MRPL52: variants seen among roughly 807,000 people sequenced by gnomAD.
MRPL52 encodes the protein mitochondrial ribosomal protein L52.
In MRPL52, 19 loss-of-function variants were observed where a neutral mutation model predicts 22.1. That is an observed-to-expected ratio of 0.86 (90% CI 0.60 to 1.26). The LOEUF is 1.26. MRPL52 is among the 50% of genes most tolerant of loss of function. MRPL52 has a pLI of 0.00. For missense variants in MRPL52, 152 were observed against 148.1 expected, an observed-to-expected ratio of 1.03 and a Z score of -0.14; for synonymous variants, 50 against 57.5, an observed-to-expected ratio of 0.87 and a Z score of 0.59.
chr14:22,831,121 T>C, intron 3 of MRPL52: 1 of 616,768 alleles, frequency 1.6e-6, no homozygotes, highest in African/African-American at 2.4e-5. Context: ...TTTTTTTTTT[T>C]TTTTTTTTTG....
intron 3 of MRPL52, chr14:22,831,188 C>G: frequency 1.8e-6 from 1 of 555,858 alleles, no homozygotes; most frequent in Non-Finnish European, 3.1e-6. Context: ...TCATCGCTCA[C>G]TGCAGCCTTG....
chr14:22,830,101 G>A lies in MRPL52; in HGVS notation c.77G>A (p.Trp26Ter), dbSNP rs1232350232. 1.2e-6 allele frequency: 2 copies of A among 1,614,096 alleles called. No homozygotes were observed. Among genetic ancestry groups the A allele is most frequent in the African/African-American group, 2.7e-5 (2 of 74,954 alleles). The change falls in exon 2 of 5, where the codon TGG (tryptophan) becomes TAG (stop). Residue 26 changes from tryptophan (W) to a stop codon, truncating the protein, a stop_gained. Transcript: ENST00000397496. LOFTEE classifies it high-confidence loss of function. ...GTAGCCGCTTGGGCGGGCGGCCAGT[G>A]GCGACTACAGTGAGTCCTGGGATGA... ...CSVAAWAGGQ[W>*]RLQQGLAANP...
chr14:22,830,152 G>C, intron 2 of MRPL52, 35 bp from the exon 3 acceptor site: 1 of 1,614,182 alleles, frequency 6.2e-7, no homozygotes, highest in South Asian at 1.1e-5. Flanking sequence ...CAGAAGCTGG[G>C]CTAGGTCCTC....
At chr14:22,829,976 G>A (rs763566892) in intron 1 of MRPL52, 36 bp downstream of exon 1, 4 of 1,612,288 alleles carry the variant, frequency 2.5e-6, no homozygotes, top group African/African-American at 2.7e-5. Context: ...GGACTCGGGG[G>A]CCCTTTGGGG....
In MRPL52 at chr14:22,834,296, T is replaced by G. The variant is rs1353108298; in HGVS notation, c.344T>G (p.Leu115Arg). 15 of 1,613,628 alleles carry G rather than the reference T, an allele frequency of 9.3e-6. No individual in the cohort carries two copies. Among genetic ancestry groups the G allele is most frequent in the Non-Finnish European group, 1.3e-5 (15 of 1,179,850 alleles). The change falls in exon 5 of 5, where the codon CTG becomes CGG. Residue 115 changes from leucine (L) to arginine (R), a missense_variant. By Grantham distance (102) the Leu-to-Arg change is moderately radical. Coordinates refer to ENST00000397496, the MANE Select transcript of MRPL52 (RefSeq NM_180982.3). ...GCTCTTAAACCCAAAGGGGCTTCAC[T>G]GAAGAGCCCACTTCCAAGTCAATAA... ...ENALKPKGAS[L>R]KSPLPSQ is the part of the protein sequence containing the mutation.
chr14:22,830,135 G>A, intron 2 of MRPL52, 25 bp downstream of exon 2: 1 of 1,614,146 alleles, frequency 6.2e-7, no homozygotes, highest in Non-Finnish European at 8.5e-7. Flanking sequence ...GAGGGCACCT[G>A]GGGGACCAGA....
In MRPL52 at chr14:22,830,334, A is replaced by G. The variant is rs2039578729; in HGVS notation, c.154+80A>G. ...CGCCCCTGGACGGGGAGCTGGGGGT[A>G]TCAAGGTGGGGGCGTGTAAAAGTGT... On this transcript the variant is annotated intron_variant, in intron 3 of 4. Transcript: ENST00000397496. The G allele has an allele frequency of 8.3e-6, 12 of 1,449,014 alleles. No individual in the cohort carries two copies. In the Admixed American group the frequency reaches 1.8e-4, roughly 22 times the overall value. The allele number at this position is 1,449,014 out of a possible 1,614,324, so 89.8% of individuals were successfully genotyped here.
chr14:22,830,139 G>A lies in MRPL52; in HGVS notation c.86+29G>A, dbSNP rs2039570435. The A allele has an allele frequency of 9.3e-6, 15 of 1,614,244 alleles. 1 individual carries two copies. The highest frequency in any genetic ancestry group is 4.4e-5 in the South Asian group (4 of 91,090). On this transcript the variant is annotated intron_variant, in intron 2 of 4. Coordinates refer to ENST00000397496, the MANE Select transcript of MRPL52 (RefSeq NM_180982.3). ...AGTCCTGGGATGAGGGCACCTGGGG[G>A]ACCAGAAGCTGGGCTAGGTCCTCAC...
intron 3 of MRPL52, 65 bp from the exon 4 acceptor site, chr14:22,833,353 A>G (rs912478849): frequency 5.7e-5 from 57 of 992,046 alleles, no homozygotes; most frequent in Non-Finnish European, 8.5e-5. Flanking sequence ...TTCCTATCAC[A>G]GTATTTGCAC....
At position 22,833,545 on chromosome 14, in the gene MRPL52, T is replaced by C. The variant is rs1269469569; in HGVS notation, c.219+63T>C. ...GAGAACATTTAAATCATAATTTGTC[T>C]TGAGCTGTGTTGCACCTAAGCAAAC... On this transcript the variant is annotated intron_variant, in intron 4 of 4. Transcript: ENST00000397496. 1.6e-5 allele frequency: 19 copies of C among 1,220,058 alleles called. No homozygotes were observed. The Admixed American group carries it at 3.4e-4, about 22-fold the overall frequency. The allele number at this position is 1,220,058 out of a possible 1,614,324, so 75.6% of individuals were successfully genotyped here. A position where few individuals can be genotyped will look rare whatever the true frequency, so the allele number is the denominator to read the frequency against.
Position 22,834,948 on chromosome 14 carries a change from A to C in MRPL52, c.*627A>C, listed in dbSNP as rs1014290145. On this transcript the variant is annotated 3_prime_UTR_variant, in exon 5 of 5. Transcript: ENST00000397496. Reference sequence around the variant, plus strand: ...GTGAAAAGGGGACAGCAGTTTTCCCAGTTTTGGCCAGGCAGTCAAGCCTTT... The same window carrying C: ...GTGAAAAGGGGACAGCAGTTTTCCCCGTTTTGGCCAGGCAGTCAAGCCTTT... 1 of 152,234 alleles carries C rather than the reference A, an allele frequency of 6.6e-6. No individual in the cohort carries two copies. Among genetic ancestry groups the C allele is most frequent in the Non-Finnish European group, 1.5e-5 (1 of 68,072 alleles). 9.4% of individuals were successfully genotyped at this position (152,234 alleles called of 1,614,324 possible).
At chr14:22,831,121 T>TTTTC in intron 3 of MRPL52, 2 of 616,768 alleles carry the variant, frequency 3.2e-6, no homozygotes, top group East Asian at 4.3e-5. Flanking sequence ...TTTTTTTTTT[T>TTTTC]TTTTTTTTTG....
chr14:22,833,537 A>C (rs1566476664), intron 4 of MRPL52, 55 bp downstream of exon 4: 2 of 1,363,216 alleles, frequency 1.5e-6, no homozygotes, highest in South Asian at 2.3e-5. Context: ...TTTAAATCAT[A>C]ATTTGTCTTG....
At position 22,830,071 on chromosome 14, in the gene MRPL52, G is replaced by A. The variant is rs371922507; in HGVS notation, c.47G>A (p.Cys16Tyr). 7.4e-6 allele frequency: 12 copies of A among 1,614,084 alleles called. No homozygotes were observed. Among genetic ancestry groups the A allele is most frequent in the African/African-American group, 1.3e-5 (1 of 75,070 alleles). The change falls in exon 2 of 5, where the codon TGC becomes TAC. Residue 16 changes from cysteine (C) to tyrosine (Y), a missense_variant. Physicochemically the swap from Cys to Tyr is radical, Grantham distance 194 (BLOSUM62 -2). Coordinates refer to ENST00000397496, the MANE Select transcript of MRPL52 (RefSeq NM_180982.3). ...TVLFSVRRLH[C>Y]SVAAWAGGQW... ...CCAGCAGGTGTCCGGAGGCTGCACT[G>A]CAGCGTAGCCGCTTGGGCGGGCGGC...
chr14:22,830,242 T>C lies in MRPL52; in HGVS notation c.142T>C (p.Trp48Arg). The change falls in exon 3 of 5, where the codon TGG (tryptophan) becomes CGG (arginine). Residue 48 changes from tryptophan (W) to arginine (R), a missense_variant. Trp to Arg is a moderately radical substitution (Grantham distance 101, BLOSUM62 -3). Transcript: ENST00000397496. ...CGGGCCCCTTACCGAGCTCCCAGAC[T>C]GGTCATATGCGGGTAAGCGCTGATC... is the stretch of plus-strand genomic sequence containing the variant. ...GYGPLTELPD[W>R]SYADGRPAPP... The C allele has an allele frequency of 5.6e-6, 9 of 1,614,202 alleles. No homozygotes were observed. The highest frequency in any genetic ancestry group is 7.6e-6 in the Non-Finnish European group (9 of 1,179,998).
chr14:22,833,365 A>G (rs1323755635), intron 3 of MRPL52, 53 bp from the exon 4 acceptor site: 1 of 1,135,420 alleles, frequency 8.8e-7, no homozygotes, highest in East Asian at 2.3e-5. Flanking sequence ...TATTTGCACA[A>G]GGTGATGCAG....
chr14:22,834,264 G>A lies in MRPL52; in HGVS notation c.312G>A (p.Gln104=), dbSNP rs2138724108. 1 of 1,614,160 alleles carries A rather than the reference G, an allele frequency of 6.2e-7. No homozygotes were observed. Among genetic ancestry groups the A allele is most frequent in the Non-Finnish European group, 8.5e-7 (1 of 1,180,028 alleles). ...AGTTGCAGGAAGAACAAAGGAAGCA[G>A]GAAAATGCTCTTAAACCCAAAGGGG... is the stretch of plus-strand genomic sequence containing the variant. ...QQKLQEEQRK[Q]ENALKPKGAS... Residue 104 remains glutamine (Q), a synonymous_variant, in exon 5 of 5, where the codon CAG becomes CAA. Transcript: ENST00000397496.
At chr14:22,831,134 A>C in intron 3 of MRPL52, 1 of 253,936 alleles carries the variant, frequency 3.9e-6, no homozygotes, top group Non-Finnish European at 6.4e-6. Context: ...TTTTTTTGAG[A>C]TGGGGTCTTG....
chr14:22,830,038 CT>C lies in MRPL52; in HGVS notation c.29-14del, dbSNP rs1291845853. ...GCGCGGCCTCTCCCCCAACTCTGCTCTGTTCTCCCAGCAGGTGTCCGGAGGC... is the reference window on the plus strand; with the variant it reads ...GCGCGGCCTCTCCCCCAACTCTGCTCGTTCTCCCAGCAGGTGTCCGGAGGC... On this transcript the variant is annotated splice_polypyrimidine_tract_variant and intron_variant, in intron 1 of 4. Transcript: ENST00000397496. 4 of 1,613,922 alleles carry C rather than the reference CT, an allele frequency of 2.5e-6. No individual in the cohort carries two copies. The African/African-American group carries it at 5.3e-5, about 22-fold the overall frequency.
Sources: gnomAD v4.1 joint callset for allele counts on GRCh38, gnomAD v4.1.1 for gene constraint, MANE v1.5 for transcripts, NCBI Gene and HGNC (gene_info 2026-07-23, HGNC 2026-07-21) for gene names.